HPCAL1: variants seen among roughly 807,000 people sequenced by gnomAD.
The protein encoded by HPCAL1 is hippocalcin-like protein 1.
In HPCAL1, 8 loss-of-function variants were observed where a neutral mutation model predicts 17.1. That is an observed-to-expected ratio of 0.47 (90% CI 0.27 to 0.84). The LOEUF is 0.84. Among genes scored for constraint, HPCAL1 ranks in the 40% least tolerant of loss-of-function variants. The pLI is 0.13. For missense variants in HPCAL1, 165 were observed against 271.1 expected (o/e 0.61, Z 2.75); for synonymous variants, 112 against 111.4 (o/e 1.01, Z -0.03).
chr2:10,304,212 G>T lies in HPCAL1; in HGVS notation c.-111+1035G>T, dbSNP rs1305197564. Reference sequence around the variant, plus strand: ...CCAGCCCCCAGGCTCCCGCGCAAGCGTGGGGGTCCCTCTCCTGGCCGGGAG... The same window carrying T: ...CCAGCCCCCAGGCTCCCGCGCAAGCTTGGGGGTCCCTCTCCTGGCCGGGAG... On this transcript the variant is annotated intron_variant, in intron 1 of 4. Transcript: ENST00000307845. This position sits in a 1 kb window ranked among gnomAD's most constrained non-coding sequence, Gnocchi z 4.1. 6.6e-6 allele frequency among the ~76,000 whole-genome samples: 1 copy of T among 151,836 alleles called. No individual in the cohort carries two copies. The highest frequency in any genetic ancestry group is 2.0e-4 in the East Asian group (1 of 5,126).
intron 1 of HPCAL1, among the ~76,000 whole-genome samples, chr2:10,368,458 T>A (rs924407337): frequency 6.6e-6 from 1 of 152,164 alleles, no homozygotes; most frequent in Non-Finnish European, 1.5e-5. Context: ...CACCTCTCTG[T>A]TCCCCCAGCT....
intron 1 of HPCAL1, among the ~76,000 whole-genome samples, chr2:10,307,424 C>T (rs1317110872): frequency 6.6e-6 from 1 of 152,200 alleles, no homozygotes; most frequent in Non-Finnish European, 1.5e-5. Flanking sequence ...GGTGCACTGG[C>T]TGAACTCACC....
At chr2:10,404,633 C>T (rs1459888605) in intron 2 of HPCAL1, among the ~76,000 whole-genome samples, 2 of 152,248 alleles carry the variant, frequency 1.3e-5, no homozygotes, top group Non-Finnish European at 1.5e-5. Context: ...CCCCAGATCC[C>T]GGGCTCCTTT....
chr2:10,305,761 C>T (rs1213283564), intron 1 of HPCAL1, among the ~76,000 whole-genome samples: 1 of 152,198 alleles, frequency 6.6e-6, no homozygotes, highest in Non-Finnish European at 1.5e-5. Context: ...GGACACACTC[C>T]GTCCCCTTTC....
At chr2:10,328,026 G>GT (rs1664125051) in intron 1 of HPCAL1, among the ~76,000 whole-genome samples, 1 of 152,224 alleles carries the variant, frequency 6.6e-6, no homozygotes, top group Non-Finnish European at 1.5e-5. Flanking sequence ...TGTTCATGGT[G>GT]TAGCTGTTCA....
At chr2:10,388,894 G>A (rs555998018) in intron 1 of HPCAL1, among the ~76,000 whole-genome samples, 1 of 152,310 alleles carries the variant, frequency 6.6e-6, no homozygotes, top group South Asian at 2.1e-4. Context: ...ATGTTATTAG[G>A]AGGCGGGGCC....
chr2:10,309,832 C>T (rs1662842802), intron 1 of HPCAL1, among the ~76,000 whole-genome samples: 1 of 152,136 alleles, frequency 6.6e-6, no homozygotes, highest in East Asian at 1.9e-4. Context: ...CAAACCAAGA[C>T]ACAGAAATTG....
At chr2:10,307,706 G>A (rs1156394461) in intron 1 of HPCAL1, among the ~76,000 whole-genome samples, 2 of 152,184 alleles carry the variant, frequency 1.3e-5, no homozygotes, top group East Asian at 1.9e-4. Flanking sequence ...CTCTTTGTCT[G>A]TCTTCACTTT....
At chr2:10,405,656 C>A (rs1669921617) in intron 2 of HPCAL1, among the ~76,000 whole-genome samples, 2 of 152,214 alleles carry the variant, frequency 1.3e-5, no homozygotes, top group Non-Finnish European at 2.9e-5. Context: ...GCAGCTGGCA[C>A]AAAGAGCCAG....
chr2:10,344,361 C>T lies in HPCAL1; in HGVS notation c.-111+41184C>T, dbSNP rs1008378121. Among the ~76,000 whole-genome samples the T allele has an allele frequency of 2.0e-4, 31 of 152,208 alleles. No homozygotes were observed. The highest frequency in any genetic ancestry group is 7.5e-4 in the African/African-American group (31 of 41,448). Reference sequence around the variant, plus strand: ...CAGGCCATGTGCCAGCAAGGGGGGCCCCGAAGTGCCGCTAGGTGCCTCACG... The same window carrying T: ...CAGGCCATGTGCCAGCAAGGGGGGCTCCGAAGTGCCGCTAGGTGCCTCACG... On this transcript the variant is annotated intron_variant, in intron 1 of 4. Transcript: ENST00000307845. This position sits in a 1 kb window ranked among gnomAD's most constrained non-coding sequence, Gnocchi z 4.9.
intron 1 of HPCAL1, among the ~76,000 whole-genome samples, chr2:10,386,595 C>T (rs1413451817): frequency 2.6e-5 from 4 of 152,136 alleles, no homozygotes; most frequent in Non-Finnish European, 4.4e-5. Flanking sequence ...TTTTTGGCAT[C>T]TTTAATCTGC....
chr2:10,314,990 G>T (rs1663213846), intron 1 of HPCAL1, among the ~76,000 whole-genome samples: 1 of 152,292 alleles, frequency 6.6e-6, no homozygotes, highest in African/African-American at 2.4e-5. Flanking sequence ...GGGCTAGGAA[G>T]CAAGATAAAG....
Position 10,359,762 on chromosome 2 carries a change from A to G in HPCAL1, c.-110-37073A>G, listed in dbSNP as rs1259000602. Among the ~76,000 whole-genome samples the G allele has an allele frequency of 1.3e-5, 2 of 152,188 alleles. No individual in the cohort carries two copies. The highest frequency in any genetic ancestry group is 6.5e-5 in the Admixed American group (1 of 15,284). The stretch of plus-strand genomic sequence containing the variant: ...CCACTCTGAGGAAGGGGCCTTACCC[A>G]GATCCCCGTGTCCCCCACAGCGGTG... On this transcript the variant is annotated intron_variant, in intron 1 of 4. Coordinates refer to ENST00000307845, the MANE Select transcript of HPCAL1 (RefSeq NM_002149.4). This position sits in a 1 kb window ranked among gnomAD's most constrained non-coding sequence, Gnocchi z 4.1.
chr2:10,367,340 G>A lies in HPCAL1; in HGVS notation c.-110-29495G>A, dbSNP rs555296893. On this transcript the variant is annotated intron_variant, in intron 1 of 4. Coordinates refer to ENST00000307845, the MANE Select transcript of HPCAL1 (RefSeq NM_002149.4). The surrounding 1 kb of genome is among the most constrained non-coding windows in gnomAD (Gnocchi z 4.4). ...GTCTTGCTCTGTCACCCAGGCTAGA[G>A]TGCGAGCTCGATCATAGCTCACTGC... Among the ~76,000 whole-genome samples, 6 of 152,016 alleles carry A rather than the reference G, an allele frequency of 3.9e-5. No individual in the cohort carries two copies. The East Asian group carries it at 1.2e-3, about 30-fold the overall frequency.
At chr2:10,375,088 A>T (rs1391026258) in intron 1 of HPCAL1, among the ~76,000 whole-genome samples, 1 of 152,176 alleles carries the variant, frequency 6.6e-6, no homozygotes, top group Non-Finnish European at 1.5e-5. Context: ...AATACTAGAA[A>T]GTCACAGAAG....
Position 10,336,807 on chromosome 2 carries a change from C to T in HPCAL1, c.-111+33630C>T, listed in dbSNP as rs146223133. Among the ~76,000 whole-genome samples, 377 of 152,348 alleles carry T rather than the reference C, an allele frequency of 2.5e-3. 1 individual carries two copies. The highest frequency in any genetic ancestry group is 8.9e-3 in the African/African-American group (369 of 41,578). The stretch of plus-strand genomic sequence containing the variant: ...GCACCCAGGCTGCAGTGCTCTGGTG[C>T]TATCATAGCTCACTGCAGCCCCGGA... On this transcript the variant is annotated intron_variant, in intron 1 of 4. Coordinates refer to ENST00000307845, the MANE Select transcript of HPCAL1 (RefSeq NM_002149.4).
rs775946364 is a variant in HPCAL1 at position 10,304,117 on chromosome 2, C to T, written c.-111+940C>T. The stretch of plus-strand genomic sequence containing the variant: ...GTTTAGCTGCCAGCTGCGCTGCCTC[C>T]TGCAGCACCTCCCGGGCGGCGCCGC... On this transcript the variant is annotated intron_variant, in intron 1 of 4. Coordinates refer to ENST00000307845, the MANE Select transcript of HPCAL1 (RefSeq NM_002149.4). The surrounding 1 kb of genome is among the most constrained non-coding windows in gnomAD (Gnocchi z 4.1). Among the ~76,000 whole-genome samples the T allele has an allele frequency of 2.6e-5, 4 of 152,224 alleles. No homozygotes were observed. The highest frequency in any genetic ancestry group is 6.5e-5 in the Admixed American group (1 of 15,292).
intron 3 of HPCAL1, 73 bp downstream of exon 3, chr2:10,420,208 G>GTT: frequency 1.6e-5 from 12 of 734,122 alleles, no homozygotes; most frequent in African/African-American, 4.7e-5. Flanking sequence ...CCAGCCCAGG[G>GTT]CTTTTTTTTT....
At chr2:10,305,730 C>G (rs1243677329) in intron 1 of HPCAL1, among the ~76,000 whole-genome samples, 1 of 152,228 alleles carries the variant, frequency 6.6e-6, no homozygotes, top group African/African-American at 2.4e-5. Flanking sequence ...GAGATAGATT[C>G]TAAGTGAAAT....
Sources: allele counts gnomAD v4.1 joint callset (sites outside exome capture counted in the v4.1 genomes callset), GRCh38; gene constraint gnomAD v4.1.1; non-coding constraint Gnocchi (gnomAD v3.1); transcripts MANE v1.5; gene names NCBI Gene and HGNC (gene_info 2026-07-23, HGNC 2026-07-21).